Variants in REG4 observed in about 807,000 individuals in gnomAD.
The protein encoded by REG4 is regenerating family member 4.
REG4 carries 16 observed loss-of-function variants against 22.3 expected under a neutral mutation model. That is an observed-to-expected ratio of 0.72 (90% CI 0.49 to 1.09). The LOEUF is 1.09. REG4 is among the 50% of genes least tolerant of loss of function. The pLI is 0.00. For synonymous variants in REG4, 71 were observed against 69.2 expected, an observed-to-expected ratio of 1.03 and a Z score of -0.13; for missense variants, 214 against 193.9, an observed-to-expected ratio of 1.10 and a Z score of -0.61.
At position 119,803,123 on chromosome 1, in the gene REG4, T is replaced by G. The variant is rs761708724; in HGVS notation, c.110A>C (p.His37Pro). 5 of 1,537,802 alleles carry G rather than the reference T, an allele frequency of 3.3e-6. No homozygotes were observed. The highest frequency in any genetic ancestry group is 4.4e-6 in the Non-Finnish European group (5 of 1,145,600). The change falls in exon 3 of 6, where the codon CAC (histidine) becomes CCC (proline). Residue 37 changes from histidine to proline, a missense_variant. His to Pro is a moderately conservative substitution (Grantham distance 77, BLOSUM62 -2). Transcript: ENST00000256585. ...GAAGTAACCATAGCAATTGGACTTG[T>G]GGTAAAACCATCCAGGAGCACAGCT... ...RPSCAPGWFY[H>P]KSNCYGYFRK...
intron 2 of REG4, among the ~76,000 whole-genome samples, chr1:119,807,112 C>T (rs1654345020): frequency 6.6e-6 from 1 of 152,188 alleles, no homozygotes; most frequent in Middle Eastern, 3.2e-3. Flanking sequence ...TCTCTCCACT[C>T]ACTGAATCAA....
chr1:119,799,844 C>T lies in REG4; in HGVS notation c.184G>A (p.Gly62Arg), dbSNP rs749344394. The T allele has an allele frequency of 1.6e-5, 26 of 1,613,954 alleles. No individual in the cohort carries two copies. Among genetic ancestry groups the T allele is most frequent in the African/African-American group, 8.0e-5 (6 of 74,918 alleles). ...SDAELECQSY[G>R]NGAHLASILS... The stretch of plus-strand genomic sequence containing the variant: ...ATAGATGCCAGGTGGGCTCCGTTTC[C>T]GTAAGACTGACACTCGAGCTATGTA... The change falls in exon 4 of 6, where the codon GGA (glycine) becomes AGA (arginine). Residue 62 changes from glycine (G) to arginine (R), a missense_variant. Transcript: ENST00000256585.
At chr1:119,806,087 G>A (rs946216583) in intron 2 of REG4, among the ~76,000 whole-genome samples, 2 of 152,106 alleles carry the variant, frequency 1.3e-5, no homozygotes, top group Admixed American at 6.5e-5. Flanking sequence ...GAGCACCACT[G>A]TACCAGGCTA....
intron 4 of REG4, 48 bp downstream of exon 4, chr1:119,799,677 C>A: frequency 6.3e-7 from 1 of 1,594,036 alleles, no homozygotes; most frequent in Non-Finnish European, 8.6e-7. Flanking sequence ...AAAGAGGATG[C>A]CAGCCTGGCT....
At chr1:119,809,837 T>C (rs1654441242) in intron 1 of REG4, among the ~76,000 whole-genome samples, 1 of 152,214 alleles carries the variant, frequency 6.6e-6, no homozygotes, top group Non-Finnish European at 1.5e-5. Context: ...CAGAGAATGC[T>C]TAATTTTGTC....
chr1:119,803,985 A>G (rs1232873194), intron 2 of REG4, among the ~76,000 whole-genome samples: 2 of 152,222 alleles, frequency 1.3e-5, no homozygotes, highest in African/African-American at 4.8e-5. Flanking sequence ...TCCATGATTC[A>G]GGGAGGCACA....
chr1:119,800,631 T>A (rs79744055), intron 3 of REG4, among the ~76,000 whole-genome samples: 2,763 of 152,304 alleles, frequency 0.018, 87 homozygotes, highest in African/African-American at 0.061. Context: ...ATTATTACCC[T>A]ATATTACATA....
rs1654002897 is a variant in REG4 at position 119,798,582 on chromosome 1, A to C, written c.324T>G (p.Ile108Met). The C allele has an allele frequency of 6.2e-7, 1 of 1,614,062 alleles. No individual in the cohort carries two copies. The highest frequency in any genetic ancestry group is 1.1e-5 in the South Asian group (1 of 91,094). Residue 108 changes from isoleucine (I) to methionine (M), a missense_variant, in exon 5 of 6, where the codon ATT becomes ATG. Ile to Met is a conservative substitution (Grantham distance 10, BLOSUM62 1). Transcript: ENST00000256585. ...DPQKRQQWQW[I>M]DGAMYLYRSW... ...ATCTGTACAGATACATGGCCCCATC[A>C]ATCCACTGCCACTGCTGCCTCTGCA...
At chr1:119,808,001 G>A (rs587765346) in intron 2 of REG4, among the ~76,000 whole-genome samples, 100 of 152,308 alleles carry the variant, frequency 6.6e-4, no homozygotes, top group African/African-American at 2.3e-3. Flanking sequence ...GACTGTGAAA[G>A]GCACTAGAAG....
intron 3 of REG4, chr1:119,801,374 A>G (rs1571066360): frequency 6.6e-6 from 1 of 152,336 alleles, no homozygotes; most frequent in African/African-American, 2.4e-5. Flanking sequence ...CACTTACAAT[A>G]CCAGCATGCT....
Position 119,806,926 on chromosome 1 carries a change from ATTAAGATAAT to A in REG4, c.67+1767_67+1776del, listed in dbSNP as rs140630579. ...CTTCACACAGTTGTTGGGAAGATTAATTAAGATAATTCACGTACAGTGATTAGCACAGAGC... is the reference window on the plus strand; with the variant it reads ...CTTCACACAGTTGTTGGGAAGATTAATCACGTACAGTGATTAGCACAGAGC... On this transcript the variant is annotated intron_variant, in intron 2 of 5. Transcript: ENST00000256585. Among the ~76,000 whole-genome samples, 1,065 of 152,344 alleles carry A rather than the reference ATTAAGATAAT, an allele frequency of 7.0e-3. 14 individuals carry two copies. The highest frequency in any genetic ancestry group is 0.025 in the African/African-American group (1,022 of 41,576).
chr1:119,802,721 A>G (rs1654150839), intron 3 of REG4: 1 of 1,437,126 alleles, frequency 7.0e-7, no homozygotes, highest in African/African-American at 1.4e-5. Flanking sequence ...CTTGTACAGA[A>G]ACTCCATTAT....
intron 1 of REG4, 90 bp from the exon 2 acceptor site, chr1:119,808,953 A>G: frequency 5.6e-6 from 3 of 531,442 alleles, no homozygotes; most frequent in Non-Finnish European, 1.0e-5. Flanking sequence ...TTTCCTGGCT[A>G]AATCCAGACT....
Position 119,795,767 on chromosome 1 carries a change from C to T in REG4, c.410-1082G>A, listed in dbSNP as rs10923906. 7.3e-3 allele frequency among the ~76,000 whole-genome samples: 1,109 copies of T among 152,340 alleles called. 12 individuals carry two copies. The highest frequency in any genetic ancestry group is 0.026 in the African/African-American group (1,064 of 41,586). On this transcript the variant is annotated intron_variant, in intron 5 of 5. Transcript: ENST00000256585. ...ATGCCTGCATCCATAGTGCTCAGCGCAGGAGCCACAGAGTATAAATGAAAC... is the reference window on the plus strand; with the variant it reads ...ATGCCTGCATCCATAGTGCTCAGCGTAGGAGCCACAGAGTATAAATGAAAC...
chr1:119,794,049 C>T lies in REG4; in HGVS notation c.*569G>A, dbSNP rs1653853120. On this transcript the variant is annotated 3_prime_UTR_variant, in exon 6 of 6. Coordinates refer to ENST00000256585, the MANE Select transcript of REG4 (RefSeq NM_032044.4). ...TATTTCTTGGTCTTATTTCACTTTT[C>T]CACATTCACCATTACTGAACTGGAA... The T allele has an allele frequency of 2.0e-6, 1 of 507,012 alleles. No homozygotes were observed. Among genetic ancestry groups the T allele is most frequent in the South Asian group, 1.5e-5 (1 of 67,396 alleles). 31.4% of individuals were successfully genotyped at this position (507,012 alleles called of 1,614,324 possible).
chr1:119,806,373 G>A (rs587601019), intron 2 of REG4, among the ~76,000 whole-genome samples: 14 of 152,290 alleles, frequency 9.2e-5, no homozygotes, highest in African/African-American at 3.1e-4. Context: ...AAGGCAGAAA[G>A]AAGACATCGT....
chr1:119,804,650 C>T (rs1394964615), intron 2 of REG4, among the ~76,000 whole-genome samples: 1 of 152,158 alleles, frequency 6.6e-6, no homozygotes, highest in Non-Finnish European at 1.5e-5. Flanking sequence ...AAAACACAGC[C>T]TTTATGCCAT....
intron 3 of REG4, chr1:119,802,265 T>C: frequency 3.4e-6 from 3 of 886,092 alleles, no homozygotes; most frequent in Non-Finnish European, 2.7e-6. Context: ...TATGGAAATG[T>C]TCTGTTTAAA....
intron 3 of REG4, chr1:119,801,421 G>A (rs6428841): frequency 0.51 from 77,333 of 152,066 alleles, 20,259 homozygotes; most frequent in East Asian, 0.86. Flanking sequence ...TCAGGCCCAT[G>A]AGGCATGCCA....
Sources: allele counts gnomAD v4.1 joint callset (sites outside exome capture counted in the v4.1 genomes callset), GRCh38; gene constraint gnomAD v4.1.1; transcripts MANE v1.5; gene names NCBI Gene and HGNC (gene_info 2026-07-23, HGNC 2026-07-21).